SUGCT: variants seen among roughly 807,000 people sequenced by gnomAD.
SUGCT encodes the protein succinyl-CoA:glutarate-CoA transferase, also known as succinyl-CoA:glutarate CoA-transferase.
In SUGCT, 41 loss-of-function variants were observed where a neutral mutation model predicts 55.0. That is an observed-to-expected ratio of 0.74 (90% CI 0.58 to 0.97). The LOEUF is 0.97. Ranked by LOEUF, SUGCT falls within the 50% of genes least tolerant of loss-of-function variation. SUGCT has a pLI of 0.00. For missense variants in SUGCT, 568 were observed against 547.8 expected (o/e 1.04, Z -0.37); for synonymous variants, 187 against 200.4 (o/e 0.93, Z 0.56).
At chr7:40,270,258 A>G (rs1049091850) in intron 7 of SUGCT, among the ~76,000 whole-genome samples, 7 of 151,466 alleles carry the variant, frequency 4.6e-5, no homozygotes, top group Non-Finnish European at 1.0e-4. Flanking sequence ...TGAAACACAT[A>G]TTTTTAATTT....
intron 9 of SUGCT, among the ~76,000 whole-genome samples, chr7:40,345,317 A>G (rs892957403): frequency 2.0e-5 from 3 of 152,176 alleles, no homozygotes; most frequent in Non-Finnish European, 4.4e-5. Context: ...ACTGTCCTAA[A>G]TCTGGTGTTG....
intron 12 of SUGCT, among the ~76,000 whole-genome samples, chr7:40,516,603 C>A (rs994731096): frequency 2.0e-5 from 3 of 152,058 alleles, no homozygotes; most frequent in Non-Finnish European, 4.4e-5. Context: ...AAAGACTGCT[C>A]TTTCCCCATT....
chr7:40,387,639 A>C (rs1242070328), intron 9 of SUGCT, among the ~76,000 whole-genome samples: 1 of 152,124 alleles, frequency 6.6e-6, no homozygotes, highest in African/African-American at 2.4e-5. Context: ...TGTCCTGTGA[A>C]ATAATCAGAA....
At chr7:40,678,984 T>G (rs1469392048) in intron 12 of SUGCT, among the ~76,000 whole-genome samples, 1 of 152,218 alleles carries the variant, frequency 6.6e-6, no homozygotes, top group Non-Finnish European at 1.5e-5. Flanking sequence ...CTGGTTGACT[T>G]TGGTAGCCAC....
At chr7:40,210,310 T>A (rs973064768) in intron 6 of SUGCT, among the ~76,000 whole-genome samples, 1 of 151,976 alleles carries the variant, frequency 6.6e-6, no homozygotes, top group African/African-American at 2.4e-5. Context: ...CCTCCCAAAG[T>A]GCTGGGATTA....
chr7:40,840,250 T>A (rs1364538215), intron 13 of SUGCT, among the ~76,000 whole-genome samples: 3 of 152,110 alleles, frequency 2.0e-5, no homozygotes, highest in African/African-American at 4.8e-5. Flanking sequence ...TCTCATTATG[T>A]GAATAATAAT....
At chr7:40,719,948 A>G (rs1232917052) in intron 12 of SUGCT, among the ~76,000 whole-genome samples, 1 of 152,134 alleles carries the variant, frequency 6.6e-6, no homozygotes, top group Admixed American at 6.6e-5. Flanking sequence ...GGTGTCTGCC[A>G]CTACGCCCGG....
At chr7:40,975,814 C>T in the SUGCT span, among the ~76,000 whole-genome samples, 3 of 152,304 alleles carry the variant, frequency 2.0e-5, no homozygotes, top group East Asian at 3.9e-4. Flanking sequence ...AATGAACACT[C>T]ATATGCAAGT....
chr7:40,828,485 T>G (rs1419016240), intron 13 of SUGCT, among the ~76,000 whole-genome samples: 2 of 151,806 alleles, frequency 1.3e-5, no homozygotes, highest in African/African-American at 4.8e-5. Flanking sequence ...TATTGGGGCT[T>G]CCAAAGCACC....
the SUGCT span, among the ~76,000 whole-genome samples, chr7:40,870,613 T>C: frequency 1.3e-5 from 2 of 152,236 alleles, no homozygotes; most frequent in African/African-American, 4.8e-5. Flanking sequence ...TAGGATACCA[T>C]AGAAAATATG....
In SUGCT at chr7:40,302,767, C is replaced by T. The variant is rs540348981; in HGVS notation, c.721-13993C>T. ...ATTACAGACATAATTATGAGAGTGACGTTGCATTGTACAGGATGTATATGC... is the reference window on the plus strand; with the variant it reads ...ATTACAGACATAATTATGAGAGTGATGTTGCATTGTACAGGATGTATATGC... On this transcript the variant is annotated intron_variant, in intron 8 of 13. Transcript: ENST00000335693. Among the ~76,000 whole-genome samples the T allele has an allele frequency of 4.6e-5, 7 of 152,194 alleles. No homozygotes were observed. The East Asian group carries it at 9.7e-4, about 21-fold the overall frequency.
chr7:40,312,813 G>C (rs1795233323), intron 8 of SUGCT, among the ~76,000 whole-genome samples: 1 of 152,178 alleles, frequency 6.6e-6, no homozygotes, highest in Admixed American at 6.5e-5. Flanking sequence ...GTTCACCTTA[G>C]CTGTAGGCCA....
chr7:40,156,650 A>C (rs983672824), intron 1 of SUGCT, among the ~76,000 whole-genome samples: 1 of 152,166 alleles, frequency 6.6e-6, no homozygotes, highest in African/African-American at 2.4e-5. Context: ...GGCACCTCTG[A>C]GGAATTCCCA....
At chr7:40,371,553 G>A (rs891195725) in intron 9 of SUGCT, among the ~76,000 whole-genome samples, 4 of 152,060 alleles carry the variant, frequency 2.6e-5, no homozygotes, top group Non-Finnish European at 5.9e-5. Flanking sequence ...TCATTACATC[G>A]TGGTTTTTCT....
chr7:40,806,005 C>T (rs1791070394), intron 13 of SUGCT, among the ~76,000 whole-genome samples: 1 of 152,138 alleles, frequency 6.6e-6, no homozygotes, highest in African/African-American at 2.4e-5. Context: ...GGGGAATCTG[C>T]TGAGAAGGGA....
chr7:40,860,943 A>C (rs1256362969), downstream of SUGCT, among the ~76,000 whole-genome samples: 1 of 152,102 alleles, frequency 6.6e-6, no homozygotes, highest in Non-Finnish European at 1.5e-5. Flanking sequence ...AATAAGCAGA[A>C]TGACAGTCTC....
At chr7:40,153,203 G>A (rs533205590) in intron 1 of SUGCT, 15 of 361,694 alleles carry the variant, frequency 4.1e-5, no homozygotes, top group African/African-American at 2.9e-4. Context: ...GCCATCAAAG[G>A]AGATAGCAAC....
intron 12 of SUGCT, among the ~76,000 whole-genome samples, chr7:40,656,919 A>G (rs1801043168): frequency 6.6e-6 from 1 of 152,196 alleles, no homozygotes; most frequent in Non-Finnish European, 1.5e-5. Flanking sequence ...TCATTAGATG[A>G]AGCCCTGGTT....
intron 6 of SUGCT, among the ~76,000 whole-genome samples, chr7:40,203,750 G>A (rs1223678870): frequency 3.3e-5 from 5 of 151,376 alleles, no homozygotes; most frequent in African/African-American, 1.2e-4. Flanking sequence ...ACTCCAGCCT[G>A]GGCATCAGAG....
Sources: gnomAD v4.1 joint callset for allele counts (sites outside exome capture counted in the v4.1 genomes callset) on GRCh38, gnomAD v4.1.1 for gene constraint, MANE v1.5 for transcripts, NCBI Gene and HGNC (gene_info 2026-07-23, HGNC 2026-07-21) for gene names.